SV2B: variants seen among roughly 807,000 people sequenced by gnomAD.
SV2B encodes synaptic vesicle glycoprotein 2B.
SV2B carries 41 observed loss-of-function variants against 73.9 expected under a neutral mutation model. The observed-to-expected ratio is 0.56, with a 90% confidence interval of 0.43 to 0.72. SV2B has a LOEUF of 0.72. Ranked by LOEUF, SV2B falls within the 30% of genes least tolerant of loss-of-function variation. SV2B has a pLI of 0.00. For missense variants in SV2B, 764 were observed against 857.8 expected (o/e 0.89, Z 1.37); for synonymous variants, 314 against 314.2 (o/e 1.00, Z 0.01).
At chr15:91,168,576 A>C (rs2044004484) in intron 1 of SV2B, among the ~76,000 whole-genome samples, 1 of 152,164 alleles carries the variant, frequency 6.6e-6, no homozygotes, top group African/African-American at 2.4e-5. Flanking sequence ...CTAGAAAAAG[A>C]AAGTTTCTCT....
intron 1 of SV2B, among the ~76,000 whole-genome samples, chr15:91,163,907 T>G (rs2043816996): frequency 6.6e-6 from 1 of 152,224 alleles, no homozygotes; most frequent in Non-Finnish European, 1.5e-5. Flanking sequence ...GTCTAACATT[T>G]AAGTCTTTAA....
rs367733911 is a variant in SV2B, at chr15:91,213,871, C to T, written c.-391-12002C>T. ...TCATTTCATTCAAAAGGATAATTAACAAGTTAGCAAGGAAGTGGTAGAGCT... is the reference window on the plus strand; with the variant it reads ...TCATTTCATTCAAAAGGATAATTAATAAGTTAGCAAGGAAGTGGTAGAGCT... On this transcript the variant is annotated intron_variant, in intron 1 of 12. Transcript: ENST00000394232. Among the ~76,000 whole-genome samples the T allele has an allele frequency of 4.6e-5, 7 of 152,122 alleles. 1 individual carries two copies. In the East Asian group the frequency reaches 1.2e-3, roughly 25 times the overall value.
chr15:91,165,753 A>G (rs2043891367), intron 1 of SV2B, among the ~76,000 whole-genome samples: 1 of 152,176 alleles, frequency 6.6e-6, no homozygotes, highest in Admixed American at 6.5e-5. Context: ...ACTTCTTCCA[A>G]ATTTCAACAG....
chr15:91,269,458 A>G (rs985710477), intron 9 of SV2B, among the ~76,000 whole-genome samples: 1 of 152,234 alleles, frequency 6.6e-6, no homozygotes, highest in Non-Finnish European at 1.5e-5. Context: ...ACCATGGCCC[A>G]GATAGTTCAA....
In SV2B at chr15:91,258,671, C is replaced by G. The variant is rs1452331953; in HGVS notation, c.918+117C>G. Reference sequence around the variant, plus strand: ...CTCTGCTGCTTATGTGTTGCAAACTCTCCCCTGGTCGGCTGACCTCACTCA... The same window carrying G: ...CTCTGCTGCTTATGTGTTGCAAACTGTCCCCTGGTCGGCTGACCTCACTCA... On this transcript the variant is annotated intron_variant, in intron 5 of 12. Coordinates refer to ENST00000394232, the MANE Select transcript of SV2B (RefSeq NM_001323032.3). This position sits in a 1 kb window ranked among gnomAD's most constrained non-coding sequence, Gnocchi z 4.7. 1.4e-6 allele frequency: 2 copies of G among 1,456,208 alleles called. No individual in the cohort carries two copies. The highest frequency in any genetic ancestry group is 2.4e-5 in the East Asian group (1 of 42,224). The allele number at this position is 1,456,208 out of a possible 1,614,324, so 90.2% of individuals were successfully genotyped here.
rs1346263873 is a variant in SV2B at position 91,141,876 on chromosome 15, A to T, written c.-392+41513A>T. The stretch of plus-strand genomic sequence containing the variant: ...ATGTTTAAAAGACTGACACTGTCGG[A>T]CGGGAATTGGCAGTAGAGAACACAG... On this transcript the variant is annotated intron_variant, in intron 1 of 12. Transcript: ENST00000394232. The surrounding 1 kb of genome is among the most constrained non-coding windows in gnomAD (Gnocchi z 4.6). Among the ~76,000 whole-genome samples the T allele has an allele frequency of 6.6e-6, 1 of 152,104 alleles. No individual in the cohort carries two copies. The highest frequency in any genetic ancestry group is 1.5e-5 in the Non-Finnish European group (1 of 68,022).
chr15:91,158,633 C>CCTTTTCCCTTCCCTTCCCTT (rs767357230), intron 1 of SV2B, among the ~76,000 whole-genome samples: 2 of 54,410 alleles, frequency 3.7e-5, no homozygotes, highest in Admixed American at 1.9e-4. Context: ...TTTTATTTTC[C>CCTTTTCCCTTCCCTTCCCTT]CTCTTCTCTT....
intron 4 of SV2B, among the ~76,000 whole-genome samples, chr15:91,257,771 T>A (rs1263049668): frequency 6.6e-6 from 1 of 152,150 alleles, no homozygotes; most frequent in Non-Finnish European, 1.5e-5. Context: ...AGGCAAGGCA[T>A]CTCTGAGGCC....
intron 1 of SV2B, among the ~76,000 whole-genome samples, chr15:91,112,791 C>T (rs1212288018): frequency 2.0e-5 from 3 of 151,966 alleles, no homozygotes; most frequent in Non-Finnish European, 4.4e-5. Flanking sequence ...ACTTATAATC[C>T]CCACCATTTA....
At position 91,115,701 on chromosome 15, in the gene SV2B, T is replaced by C. The variant is rs996603019; in HGVS notation, c.-392+15338T>C. 3.3e-5 allele frequency among the ~76,000 whole-genome samples: 5 copies of C among 152,148 alleles called. No homozygotes were observed. The highest frequency in any genetic ancestry group is 1.2e-4 in the African/African-American group (5 of 41,424). On this transcript the variant is annotated intron_variant, in intron 1 of 12. Coordinates refer to ENST00000394232, the MANE Select transcript of SV2B (RefSeq NM_001323032.3). This position sits in a 1 kb window ranked among gnomAD's most constrained non-coding sequence, Gnocchi z 4.3. ...CTTCCTTATTTTTTTCTAAGGGGTT[T>C]CTAAGGGGTTCACATTTTTATAACC...
rs1009867133 is a variant in SV2B, at chr15:91,293,980, A to G, written c.*1428A>G. On this transcript the variant is annotated 3_prime_UTR_variant, in exon 13 of 13. Coordinates refer to ENST00000394232, the MANE Select transcript of SV2B (RefSeq NM_001323032.3). ...ATAGACTGAAGTCTTGACTGCATGGAAGAGGAAAAACATCAGAACTGTCTG... is the reference window on the plus strand; with the variant it reads ...ATAGACTGAAGTCTTGACTGCATGGGAGAGGAAAAACATCAGAACTGTCTG... 6 of 152,244 alleles carry G rather than the reference A, an allele frequency of 3.9e-5. No homozygotes were observed. Among genetic ancestry groups the G allele is most frequent in the Non-Finnish European group, 8.8e-5 (6 of 68,058 alleles). 9.4% of individuals were successfully genotyped at this position (152,244 alleles called of 1,614,324 possible).
intron 2 of SV2B, 120 bp from the exon 3 acceptor site, chr15:91,251,699 G>T (rs1298537552): frequency 8.4e-7 from 1 of 1,188,058 alleles, no homozygotes; most frequent in African/African-American, 1.5e-5. Flanking sequence ...CCACCATTTT[G>T]TGTCTATGAC....
intron 2 of SV2B, among the ~76,000 whole-genome samples, chr15:91,238,962 A>T (rs1301806739): frequency 6.6e-6 from 1 of 152,196 alleles, no homozygotes; most frequent in East Asian, 1.9e-4. Flanking sequence ...TGGGTGTAAA[A>T]TTCCTCTTTA....
intron 1 of SV2B, among the ~76,000 whole-genome samples, chr15:91,168,328 G>C (rs1267427497): frequency 6.6e-6 from 1 of 151,742 alleles, no homozygotes; most frequent in African/African-American, 2.4e-5. Flanking sequence ...GAGAGAGAGA[G>C]AGAAAAGAAA....
At chr15:91,186,167 G>C (rs200478779) in intron 1 of SV2B, among the ~76,000 whole-genome samples, 1 of 152,066 alleles carries the variant, frequency 6.6e-6, no homozygotes. Context: ...GATATTTATC[G>C]GTGAGATACA....
chr15:91,150,166 C>A (rs1567293104), intron 1 of SV2B, among the ~76,000 whole-genome samples: 1 of 152,112 alleles, frequency 6.6e-6, no homozygotes, highest in Non-Finnish European at 1.5e-5. Flanking sequence ...CCACGCCCAG[C>A]CAATTTTTTG....
At chr15:91,159,590 C>T (rs1292850528) in intron 1 of SV2B, among the ~76,000 whole-genome samples, 1 of 152,080 alleles carries the variant, frequency 6.6e-6, no homozygotes, top group Non-Finnish European at 1.5e-5. Flanking sequence ...CATTGGAAAT[C>T]AATAGCAAGC....
chr15:91,125,781 C>CAAAAAAAAAAAAAA (rs200016125), intron 1 of SV2B, among the ~76,000 whole-genome samples: 23 of 57,076 alleles, frequency 4.0e-4, no homozygotes, highest in African/African-American at 8.3e-4. Flanking sequence ...TCTCAAGGGG[C>CAAAAAAAAAAAAAA]AAAAAAAAAA....
intron 1 of SV2B, among the ~76,000 whole-genome samples, chr15:91,203,615 T>C (rs770919145): frequency 6.6e-6 from 1 of 152,232 alleles, no homozygotes; most frequent in Non-Finnish European, 1.5e-5. Context: ...TTTCATCTGC[T>C]TCGAGTGAAA....
Sources: gnomAD v4.1 joint callset for allele counts (sites outside exome capture counted in the v4.1 genomes callset) on GRCh38, gnomAD v4.1.1 for gene constraint, Gnocchi (gnomAD v3.1) non-coding constraint, MANE v1.5 for transcripts, NCBI Gene and HGNC (gene_info 2026-07-23, HGNC 2026-07-21) for gene names.